The following SLC5A4 variants were observed in gnomAD, a reference collection of about 807,000 sequenced individuals.
The protein encoded by SLC5A4 is solute carrier family 5 member 4.
Under a neutral mutation model 70.3 loss-of-function variants are expected in SLC5A4, and 55 were observed. That is an observed-to-expected ratio of 0.78 (90% CI 0.63 to 0.98). The LOEUF (loss-of-function observed/expected upper bound fraction) is 0.98, where lower values mean the gene tolerates loss of function less well. Ranked by LOEUF, SLC5A4 falls within the 50% of genes least tolerant of loss-of-function variation. The pLI is 0.00. For synonymous variants in SLC5A4, 268 were observed against 305.7 expected (o/e 0.88, Z 1.29); for missense variants, 735 against 839.2 (o/e 0.88, Z 1.53).
At chr22:32,331,779 C>T in the SLC5A4 span, among the ~76,000 whole-genome samples, 1 of 152,072 alleles carries the variant, frequency 6.6e-6, no homozygotes, top group African/African-American at 2.4e-5. Flanking sequence ...AGGCCAGATC[C>T]CATGCCCCTC....
chr22:32,256,134 T>A (rs1361832821), upstream of SLC5A4, among the ~76,000 whole-genome samples: 1 of 152,048 alleles, frequency 6.6e-6, no homozygotes, highest in Non-Finnish European at 1.5e-5. Context: ...TTGGGCAACA[T>A]AGGGAGTCTT....
chr22:32,241,803 GTA>G (rs71720550), intron 5 of SLC5A4, among the ~76,000 whole-genome samples: 68 of 148,012 alleles, frequency 4.6e-4, no homozygotes, highest in Middle Eastern at 3.4e-3. Context: ...GTGTGTGTGT[GTA>G]TATATATCTG....
the SLC5A4 span, among the ~76,000 whole-genome samples, chr22:32,337,086 A>T: frequency 1.3e-5 from 2 of 152,200 alleles, no homozygotes; most frequent in African/African-American, 2.4e-5. Flanking sequence ...AGGTCAGATC[A>T]GTCTTTCGGC....
At chr22:32,302,013 G>C in the SLC5A4 span, among the ~76,000 whole-genome samples, 3 of 152,110 alleles carry the variant, frequency 2.0e-5, no homozygotes, top group African/African-American at 7.2e-5. Flanking sequence ...AAATGTAAGA[G>C]CTAAAACTAT....
the SLC5A4 span, among the ~76,000 whole-genome samples, chr22:32,305,383 ATC>A: frequency 7.4e-6 from 1 of 134,364 alleles, no homozygotes; most frequent in Non-Finnish European, 1.6e-5. Flanking sequence ...GTACCTGCTG[ATC>A]TCTGATTGTG....
chr22:32,310,555 A>G, the SLC5A4 span, among the ~76,000 whole-genome samples: 2 of 152,126 alleles, frequency 1.3e-5, no homozygotes, highest in African/African-American at 2.4e-5. Flanking sequence ...AGAGGAAGCC[A>G]TGCCTTTCTC....
the SLC5A4 span, among the ~76,000 whole-genome samples, chr22:32,300,736 T>C: frequency 6.6e-6 from 1 of 152,220 alleles, no homozygotes; most frequent in Non-Finnish European, 1.5e-5. Context: ...TATCAATAGT[T>C]ACTTTTTATT....
At chr22:32,324,174 G>A in the SLC5A4 span, among the ~76,000 whole-genome samples, 1 of 149,272 alleles carries the variant, frequency 6.7e-6, no homozygotes, top group Admixed American at 6.8e-5. Flanking sequence ...CATGCCAGTG[G>A]TGAAAATGTG....
upstream of SLC5A4, among the ~76,000 whole-genome samples, chr22:32,258,506 G>C (rs779288735): frequency 1.3e-5 from 2 of 152,112 alleles, no homozygotes; most frequent in East Asian, 3.9e-4. Context: ...ACTAATCGTC[G>C]GGAAAATGCA....
chr22:32,219,335 C>G (rs1280023788), intron 14 of SLC5A4, among the ~76,000 whole-genome samples: 1 of 152,078 alleles, frequency 6.6e-6, no homozygotes, highest in Non-Finnish European at 1.5e-5. Flanking sequence ...AAATCTATCC[C>G]CAGCTTACAC....
the SLC5A4 span, among the ~76,000 whole-genome samples, chr22:32,262,662 C>T: frequency 6.6e-6 from 1 of 152,120 alleles, no homozygotes; most frequent in African/African-American, 2.4e-5. Context: ...TTTGTTTAGA[C>T]TCTAAGTTCT....
the SLC5A4 span, among the ~76,000 whole-genome samples, chr22:32,344,517 A>C: frequency 6.6e-6 from 1 of 152,206 alleles, no homozygotes; most frequent in South Asian, 2.1e-4. Flanking sequence ...CTTATGCGAT[A>C]TTGACAAGAC....
the SLC5A4 span, among the ~76,000 whole-genome samples, chr22:32,294,351 T>G: frequency 6.6e-6 from 1 of 152,144 alleles, no homozygotes; most frequent in East Asian, 1.9e-4. Flanking sequence ...TAAACCTTTT[T>G]ATTCTGTGAT....
At chr22:32,310,562 T>C in the SLC5A4 span, among the ~76,000 whole-genome samples, 2 of 152,080 alleles carry the variant, frequency 1.3e-5, no homozygotes, top group African/African-American at 4.8e-5. Flanking sequence ...GCCATGCCTT[T>C]CTCTAATTGA....
At chr22:32,304,395 C>G in the SLC5A4 span, among the ~76,000 whole-genome samples, 1 of 152,178 alleles carries the variant, frequency 6.6e-6, no homozygotes, top group Non-Finnish European at 1.5e-5. Context: ...CCCGCCTCAG[C>G]CTCTCAAAAG....
chr22:32,293,751 T>C, the SLC5A4 span, among the ~76,000 whole-genome samples: 1 of 152,130 alleles, frequency 6.6e-6, no homozygotes, highest in Non-Finnish European at 1.5e-5. Flanking sequence ...TTTGTTTTAC[T>C]GTCTAAAGAA....
chr22:32,249,125 C>T (rs1347748701), intron 3 of SLC5A4, among the ~76,000 whole-genome samples: 5 of 152,096 alleles, frequency 3.3e-5, no homozygotes. Flanking sequence ...AATGGAGTGA[C>T]AAAGCAATGA....
chr22:32,237,375 T>C, intron 6 of SLC5A4, 51 bp from the exon 7 acceptor site: 1 of 1,271,612 alleles, frequency 7.9e-7, no homozygotes, highest in Non-Finnish European at 1.1e-6. Flanking sequence ...TGTCCTCATG[T>C]ATTTACCTTC....
At chr22:32,306,916 CTCTT>C in the SLC5A4 span, among the ~76,000 whole-genome samples, 29 of 152,322 alleles carry the variant, frequency 1.9e-4, no homozygotes, top group Admixed American at 1.2e-3. Flanking sequence ...GAGGCGCTCT[CTCTT>C]GGGCCACCAG....
Sources: allele counts gnomAD v4.1 joint callset (sites outside exome capture counted in the v4.1 genomes callset), GRCh38; gene constraint gnomAD v4.1.1; transcripts MANE v1.5; gene names NCBI Gene and HGNC (gene_info 2026-07-23, HGNC 2026-07-21).